Variants in REXO5 observed in about 807,000 individuals in gnomAD.
The protein encoded by REXO5 is RNA exonuclease 5.
Under a neutral mutation model 88.5 loss-of-function variants are expected in REXO5, and 48 were observed. The observed-to-expected ratio is 0.54, with a 90% confidence interval of 0.43 to 0.69. The LOEUF is 0.69. REXO5 is among the 30% of genes least tolerant of loss of function. The probability of loss-of-function intolerance (pLI) is 0.00; values close to 1 mark genes in which losing one functional copy is unlikely to be tolerated. For synonymous variants in REXO5, 311 were observed against 336.5 expected (o/e 0.92, Z 0.83); for missense variants, 749 against 912.2 (o/e 0.82, Z 2.30).
intron 16 of REXO5, among the ~76,000 whole-genome samples, chr16:20,844,292 G>A (rs1168207605): frequency 6.6e-6 from 1 of 152,110 alleles, no homozygotes; most frequent in East Asian, 1.9e-4. Context: ...GTTTATTCTG[G>A]TTGGTTCTTT....
At chr16:20,831,705 C>T (rs1263507252) in intron 11 of REXO5, among the ~76,000 whole-genome samples, 5 of 152,140 alleles carry the variant, frequency 3.3e-5, no homozygotes, top group Non-Finnish European at 5.9e-5. Flanking sequence ...ATAGACTTCT[C>T]ATGATTTTGT....
In REXO5 at chr16:20,827,096, C is replaced by T. The variant is rs374659309; in HGVS notation, c.860C>T (p.Thr287Met). 7 of 1,613,816 alleles carry T rather than the reference C, an allele frequency of 4.3e-6. No homozygotes were observed. Among genetic ancestry groups the T allele is most frequent in the East Asian group, 2.2e-5 (1 of 44,872 alleles). The change falls in exon 9 of 20, where the codon ACG becomes ATG. Residue 287 changes from threonine (T) to methionine (M), a missense_variant. Coordinates refer to ENST00000261377, the MANE Select transcript of REXO5 (RefSeq NM_030941.3). The stretch of plus-strand genomic sequence containing the variant: ...ACGAAGAAGATTCTTAACCCAGTGA[C>T]GACCAAACTCAAAGATGTACAGAGG... Reference protein sequence around the residue: ...GITKKILNPVTTKLKDVQRQL... With the variant: ...GITKKILNPVMTKLKDVQRQL...
intron 2 of REXO5, among the ~76,000 whole-genome samples, chr16:20,811,105 C>T (rs988928133): frequency 2.3e-4 from 35 of 152,272 alleles, no homozygotes; most frequent in African/African-American, 7.5e-4. Context: ...CCAGAGCACC[C>T]TCCTGCATGA....
chr16:20,819,584 C>T (rs916864995), intron 5 of REXO5, among the ~76,000 whole-genome samples: 24 of 151,252 alleles, frequency 1.6e-4, no homozygotes, highest in African/African-American at 5.8e-4. Context: ...GGAGAAATCC[C>T]ATCTCTACTA....
intron 11 of REXO5, among the ~76,000 whole-genome samples, chr16:20,829,868 C>T (rs1391125658): frequency 2.0e-5 from 3 of 152,148 alleles, no homozygotes; most frequent in African/African-American, 4.8e-5. Flanking sequence ...GATTAGCAAA[C>T]TTTTTCTGTA....
intron 11 of REXO5, among the ~76,000 whole-genome samples, chr16:20,831,822 G>T (rs1296359294): frequency 1.4e-5 from 2 of 147,792 alleles, no homozygotes; most frequent in Non-Finnish European, 3.1e-5. Context: ...GTGACTCAGA[G>T]AAGTAAATTT....
chr16:20,844,576 G>A, intron 16 of REXO5, 53 bp from the exon 17 acceptor site: 1 of 1,520,878 alleles, frequency 6.6e-7, no homozygotes, highest in Non-Finnish European at 9.1e-7. Flanking sequence ...GTATCCAATA[G>A]GCCTGAGGAT....
intron 2 of REXO5, among the ~76,000 whole-genome samples, chr16:20,810,592 C>T (rs1221964725): frequency 6.6e-6 from 1 of 152,026 alleles, no homozygotes. Flanking sequence ...GTGGAGATGG[C>T]GTTTGACCAT....
intron 7 of REXO5, chr16:20,825,436 A>C: frequency 6.4e-6 from 1 of 156,152 alleles, no homozygotes; most frequent in Admixed American, 6.4e-5. Context: ...GTAATAATAA[A>C]GCCTACCTCA....
rs569719574 is a variant in REXO5, at chr16:20,839,909, C to T, written c.1488+50C>T. ...GATTTATTTAGTGACTTATTATAAC[C>T]TCTCATCATTAAGGAAAGTAATACA... On this transcript the variant is annotated intron_variant, in intron 14 of 19. Transcript: ENST00000261377. The T allele has an allele frequency of 5.2e-6, 6 of 1,143,676 alleles. No homozygotes were observed. The East Asian group carries it at 9.6e-5, about 18-fold the overall frequency. The allele number at this position is 1,143,676 out of a possible 1,614,324, so 70.8% of individuals were successfully genotyped here.
rs2152513836 is a variant in REXO5, at chr16:20,847,222, C to T, written c.2243+883C>T. On this transcript the variant is annotated intron_variant, in intron 19 of 19. Transcript: ENST00000261377. ...CTCAGGAGTTCAAGACCAGACTAGG[C>T]AACATGACAAGACCCTGTCTCTACC... Among the ~76,000 whole-genome samples the T allele has an allele frequency of 1.4e-5, 2 of 145,782 alleles. 1 individual carries two copies. The highest frequency in any genetic ancestry group is 4.3e-4 in the South Asian group (2 of 4,620).
intron 2 of REXO5, among the ~76,000 whole-genome samples, chr16:20,811,088 C>T (rs745521559): frequency 6.6e-6 from 1 of 152,160 alleles, no homozygotes; most frequent in Admixed American, 6.5e-5. Context: ...GGCTTTGACA[C>T]CCCACACCAG....
intron 11 of REXO5, among the ~76,000 whole-genome samples, chr16:20,830,990 G>GTTTTTTTTTTTTT (rs11337519): frequency 2.1e-5 from 2 of 97,076 alleles, no homozygotes; most frequent in African/African-American, 3.8e-5. Flanking sequence ...TTCTTTTTCT[G>GTTTTTTTTTTTTT]TTTTTTTTTT....
At chr16:20,844,244 C>G (rs188129811) in intron 16 of REXO5, among the ~76,000 whole-genome samples, 10 of 152,300 alleles carry the variant, frequency 6.6e-5, no homozygotes, top group Admixed American at 1.3e-4. Flanking sequence ...AGATTTGGGT[C>G]TTCCTTGCAT....
At chr16:20,825,489 G>C (rs1301193958) in intron 7 of REXO5, 2 of 178,592 alleles carry the variant, frequency 1.1e-5, no homozygotes, top group Non-Finnish European at 2.3e-5. Context: ...TCTTAGTACA[G>C]CACTAGCTGA....
chr16:20,824,538 C>CT lies in REXO5; in HGVS notation c.705+15dup, dbSNP rs751206129. 1.3e-6 allele frequency: 2 copies of CT among 1,556,460 alleles called. No individual in the cohort carries two copies. Among genetic ancestry groups the CT allele is most frequent in the Non-Finnish European group, 1.8e-6 (2 of 1,128,898 alleles). The stretch of plus-strand genomic sequence containing the variant: ...CTTGACTGTGAAATGGCACGTACTA[C>CT]TTTTAATTTTTCAATTGGAGTGTTG... On this transcript the variant is annotated intron_variant, in intron 7 of 19. Transcript: ENST00000261377.
intron 2 of REXO5, chr16:20,808,697 G>C (rs533819749): frequency 6.0e-5 from 9 of 148,804 alleles, no homozygotes; most frequent in African/African-American, 2.2e-4. Flanking sequence ...TTGCCTCCCA[G>C]GTTGAAGTGA....
At chr16:20,821,730 T>C (rs766227997) in intron 5 of REXO5, 32 bp from the exon 6 acceptor site, 4 of 1,537,354 alleles carry the variant, frequency 2.6e-6, no homozygotes, top group Non-Finnish European at 3.5e-6. Flanking sequence ...TAAACACACA[T>C]TCTAATATAC....
At chr16:20,807,200 C>T in intron 2 of REXO5, 109 bp downstream of exon 2, 4 of 1,218,044 alleles carry the variant, frequency 3.3e-6, no homozygotes, top group Non-Finnish European at 4.5e-6. Flanking sequence ...CCGCCCTGGC[C>T]TCTCCGAACC....
Sources: gnomAD v4.1 joint callset for allele counts (sites outside exome capture counted in the v4.1 genomes callset) on GRCh38, gnomAD v4.1.1 for gene constraint, MANE v1.5 for transcripts, NCBI Gene and HGNC (gene_info 2026-07-23, HGNC 2026-07-21) for gene names.